UNC5D: variants seen among roughly 807,000 people sequenced by gnomAD.
UNC5D encodes the protein netrin receptor UNC5D.
A neutral mutation model predicts 105.4 loss-of-function variants in UNC5D; 39 were observed. That is an observed-to-expected ratio of 0.37 (90% CI 0.29 to 0.48). UNC5D has a LOEUF of 0.48. Among genes scored for constraint, UNC5D ranks in the 20% least tolerant of loss-of-function variants. The pLI is 0.98. For missense variants in UNC5D, 991 were observed against 1,202.4 expected (o/e 0.82, Z 2.60); for synonymous variants, 452 against 450.4 (o/e 1.00, Z -0.04).
At chr8:35,307,002 A>G (rs558668125) in intron 1 of UNC5D, among the ~76,000 whole-genome samples, 3 of 152,186 alleles carry the variant, frequency 2.0e-5, no homozygotes, top group East Asian at 1.9e-4. Context: ...GAAAATTACA[A>G]TGATGGTCTA....
At chr8:35,786,324 C>T (rs1001893263) in intron 16 of UNC5D, among the ~76,000 whole-genome samples, 1 of 152,146 alleles carries the variant, frequency 6.6e-6, no homozygotes, top group Non-Finnish European at 1.5e-5. Context: ...GCACATTTCA[C>T]TTGCTACAAT....
At position 35,264,508 on chromosome 8, in the gene UNC5D, A is replaced by G. The variant is rs1466996158; in HGVS notation, c.103+28621A>G. 5.3e-5 allele frequency among the ~76,000 whole-genome samples: 8 copies of G among 152,134 alleles called. 1 individual carries two copies. Among genetic ancestry groups the G allele is most frequent in the Middle Eastern group, 3.2e-3 (1 of 316 alleles). On this transcript the variant is annotated intron_variant, in intron 1 of 16. Coordinates refer to ENST00000404895, the MANE Select transcript of UNC5D (RefSeq NM_080872.4). ...TTTGGGAGGCCGAGGTGGGTGGATC[A>G]CCTGAGGCCAGGAGTTCGAGACCAA...
rs73673431 is a variant in UNC5D at position 35,316,006 on chromosome 8, T to G, written c.103+80119T>G. On this transcript the variant is annotated intron_variant, in intron 1 of 16. Coordinates refer to ENST00000404895, the MANE Select transcript of UNC5D (RefSeq NM_080872.4). ...GGCTGACATGATCAGCTTTATAGCTTAAAGAGATCGGTCGAGCTACATGAT... is the reference window on the plus strand; with the variant it reads ...GGCTGACATGATCAGCTTTATAGCTGAAAGAGATCGGTCGAGCTACATGAT... Among the ~76,000 whole-genome samples the G allele has an allele frequency of 9.2e-3, 1,401 of 152,274 alleles. 28 individuals carry two copies. The highest frequency in any genetic ancestry group is 0.032 in the African/African-American group (1,328 of 41,558).
intron 1 of UNC5D, among the ~76,000 whole-genome samples, chr8:35,518,241 G>A (rs898256260): frequency 6.6e-6 from 1 of 152,062 alleles, no homozygotes; most frequent in South Asian, 2.1e-4. Context: ...TAACATTAAA[G>A]TGCCTTTTCT....
chr8:35,394,298 A>T (rs546512096), intron 1 of UNC5D, among the ~76,000 whole-genome samples: 1 of 152,358 alleles, frequency 6.6e-6, no homozygotes, highest in South Asian at 2.1e-4. Flanking sequence ...GGGAAGTTGC[A>T]GAACAGTAAA....
chr8:35,698,911 A>T (rs1303886140), intron 7 of UNC5D, among the ~76,000 whole-genome samples: 1 of 152,122 alleles, frequency 6.6e-6, no homozygotes, highest in East Asian at 1.9e-4. Flanking sequence ...ATATATTTCT[A>T]TTGTGACTGG....
chr8:35,279,586 C>T (rs1806005288), intron 1 of UNC5D, among the ~76,000 whole-genome samples: 1 of 152,196 alleles, frequency 6.6e-6, no homozygotes, highest in Admixed American at 6.5e-5. Context: ...GTGGTGGAAT[C>T]ATTTTCCATG....
intron 6 of UNC5D, among the ~76,000 whole-genome samples, chr8:35,685,252 G>A (rs1401322745): frequency 3.3e-5 from 5 of 152,152 alleles, no homozygotes; most frequent in African/African-American, 9.7e-5. Flanking sequence ...TGTCACAGCA[G>A]TCTATATTTT....
chr8:35,697,759 G>C (rs1158354820), intron 7 of UNC5D, among the ~76,000 whole-genome samples: 2 of 152,118 alleles, frequency 1.3e-5, no homozygotes, highest in African/African-American at 4.8e-5. Flanking sequence ...GACGGATGTA[G>C]ACCCTATGTA....
At chr8:35,703,814 T>C (rs1827364113) in intron 7 of UNC5D, among the ~76,000 whole-genome samples, 1 of 152,228 alleles carries the variant, frequency 6.6e-6, no homozygotes, top group Admixed American at 6.5e-5. Flanking sequence ...GTTGTAGCAA[T>C]GTATCACTTT....
chr8:35,640,111 A>C (rs1344529292), intron 4 of UNC5D, among the ~76,000 whole-genome samples: 2 of 152,080 alleles, frequency 1.3e-5, no homozygotes, highest in African/African-American at 4.8e-5. Flanking sequence ...GGTCTTCATA[A>C]AATTTTAATT....
At chr8:35,715,058 G>A (rs1289036907) in intron 8 of UNC5D, among the ~76,000 whole-genome samples, 3 of 152,310 alleles carry the variant, frequency 2.0e-5, no homozygotes, top group Non-Finnish European at 2.9e-5. Context: ...GGCTGAGGCA[G>A]GAGAATCACT....
chr8:35,380,940 T>A (rs1025849220), intron 1 of UNC5D, among the ~76,000 whole-genome samples: 1 of 152,094 alleles, frequency 6.6e-6, no homozygotes, highest in Non-Finnish European at 1.5e-5. Context: ...AGGCTCTAAG[T>A]ATTACCTTCT....
intron 1 of UNC5D, among the ~76,000 whole-genome samples, chr8:35,382,265 A>G (rs1276156443): frequency 6.6e-6 from 1 of 152,200 alleles, no homozygotes; most frequent in Non-Finnish European, 1.5e-5. Context: ...GTTTTCCCCT[A>G]CAGCGGTTGA....
intron 7 of UNC5D, among the ~76,000 whole-genome samples, chr8:35,687,379 T>C (rs1311969060): frequency 6.6e-6 from 1 of 150,732 alleles, no homozygotes; most frequent in Non-Finnish European, 1.5e-5. Context: ...GAGGTGGAGC[T>C]TGCAGTGAGC....
intron 4 of UNC5D, among the ~76,000 whole-genome samples, chr8:35,676,682 G>T (rs1825246869): frequency 6.6e-6 from 1 of 152,186 alleles, no homozygotes; most frequent in South Asian, 2.1e-4. Flanking sequence ...AAAGTTATGT[G>T]CTTGCCAGTC....
At chr8:35,754,770 G>C (rs1830440124) in intron 13 of UNC5D, among the ~76,000 whole-genome samples, 1 of 152,088 alleles carries the variant, frequency 6.6e-6, no homozygotes, top group South Asian at 2.1e-4. Flanking sequence ...TCTGGGGGTA[G>C]CTTATCTGAG....
At chr8:35,248,462 A>G (rs1378778996) in intron 1 of UNC5D, among the ~76,000 whole-genome samples, 1 of 15,624 alleles carries the variant, frequency 6.4e-5, no homozygotes. Flanking sequence ...TATATGTTAT[A>G]TATGAAATAG....
At chr8:35,354,553 T>G (rs1801444016) in intron 1 of UNC5D, among the ~76,000 whole-genome samples, 1 of 152,186 alleles carries the variant, frequency 6.6e-6, no homozygotes, top group African/African-American at 2.4e-5. Flanking sequence ...CCATCATTGA[T>G]CCGACCTCTT....
Sources: allele counts gnomAD v4.1 joint callset (sites outside exome capture counted in the v4.1 genomes callset), GRCh38; gene constraint gnomAD v4.1.1; transcripts MANE v1.5; gene names NCBI Gene and HGNC (gene_info 2026-07-23, HGNC 2026-07-21).